MMS22L: variants seen among roughly 807,000 people sequenced by gnomAD.
MMS22L encodes the protein protein MMS22-like.
A neutral mutation model predicts 159.1 loss-of-function variants in MMS22L; 74 were observed. That is an observed-to-expected ratio of 0.47 (90% CI 0.39 to 0.56). The LOEUF (loss-of-function observed/expected upper bound fraction) is 0.56, where lower values mean the gene tolerates loss of function less well. Ranked by LOEUF, MMS22L falls within the 20% of genes least tolerant of loss-of-function variation. MMS22L has a pLI of 0.00. For missense variants in MMS22L, 1,351 were observed against 1,422.1 expected (o/e 0.95, Z 0.80); for synonymous variants, 517 against 506.9 (o/e 1.02, Z -0.27).
chr6:97,261,374 C>T (rs115486608), intron 9 of MMS22L: 2,664 of 152,802 alleles, frequency 0.017, 81 homozygotes, highest in African/African-American at 0.061. Flanking sequence ...AGACCAACCC[C>T]TCCTCTTCTT....
intron 9 of MMS22L, chr6:97,262,041 G>A (rs1350113379): frequency 6.6e-6 from 1 of 152,186 alleles, no homozygotes; most frequent in East Asian, 1.9e-4. Context: ...GTTAAAGACA[G>A]TCAGTTTTCC....
At chr6:97,267,697 CT>C (rs1815283012) in intron 8 of MMS22L, 174 bp downstream of exon 8, 1 of 422,878 alleles carries the variant, frequency 2.4e-6, no homozygotes, top group South Asian at 1.2e-4. Context: ...ATTCCAGCCT[CT>C]TTTAGATGTT....
chr6:97,254,399 A>G, intron 10 of MMS22L, 158 bp downstream of exon 10: 1 of 640,536 alleles, frequency 1.6e-6, no homozygotes, highest in Non-Finnish European at 2.6e-6. Context: ...TAAACTTTAT[A>G]ATTTTTCAAG....
intron 14 of MMS22L, among the ~76,000 whole-genome samples, 156 bp downstream of exon 14, chr6:97,228,738 A>G (rs1367334476): frequency 6.6e-6 from 1 of 152,236 alleles, no homozygotes; most frequent in East Asian, 1.9e-4. Context: ...TTCAACCTGT[A>G]CTGATTTATG....
At chr6:97,250,163 A>T (rs903438154) in intron 10 of MMS22L, among the ~76,000 whole-genome samples, 2 of 152,150 alleles carry the variant, frequency 1.3e-5, no homozygotes, top group African/African-American at 4.8e-5. Context: ...ATACCAAGTT[A>T]AATCTGCTGA....
chr6:97,238,919 CAAA>C (rs367852378), intron 11 of MMS22L, among the ~76,000 whole-genome samples: 2 of 29,150 alleles, frequency 6.9e-5, no homozygotes, highest in Non-Finnish European at 1.5e-4. Context: ...GACTCCATCT[CAAA>C]AAAAAAAAAA....
chr6:97,257,771 A>G (rs1813986692), intron 9 of MMS22L, among the ~76,000 whole-genome samples: 1 of 152,114 alleles, frequency 6.6e-6, no homozygotes, highest in Non-Finnish European at 1.5e-5. Flanking sequence ...ACATGATATC[A>G]ATCTGTCCTA....
chr6:97,181,889 A>C lies in MMS22L; in HGVS notation c.2384+15T>G. 1 of 1,607,190 alleles carries C rather than the reference A, an allele frequency of 6.2e-7. No homozygotes were observed. Among genetic ancestry groups the C allele is most frequent in the Non-Finnish European group, 8.5e-7 (1 of 1,177,198 alleles). On this transcript the variant is annotated intron_variant, in intron 16 of 24. Transcript: ENST00000683635. ...GGTTTGCATTAATGTGTATGCCTGA[A>C]ATAAAAGCACGTACCTATTTTGTAG...
chr6:97,255,137 T>C (rs1813664026), intron 9 of MMS22L, among the ~76,000 whole-genome samples: 1 of 152,142 alleles, frequency 6.6e-6, no homozygotes, highest in South Asian at 2.1e-4. Flanking sequence ...ATGCTGCGTT[T>C]CTGATGAACT....
chr6:97,256,884 CT>C (rs751869156), intron 9 of MMS22L, among the ~76,000 whole-genome samples: 8 of 152,154 alleles, frequency 5.3e-5, no homozygotes, highest in Non-Finnish European at 1.2e-4. Flanking sequence ...CAGGTTGAGG[CT>C]GCAGTGAGCT....
chr6:97,179,493 C>A lies in MMS22L; in HGVS notation c.2451G>T (p.Trp817Cys), dbSNP rs755247246. The A allele has an allele frequency of 9.3e-6, 15 of 1,613,292 alleles. No homozygotes were observed. Among genetic ancestry groups the A allele is most frequent in the Non-Finnish European group, 1.3e-5 (15 of 1,179,658 alleles). The change falls in exon 17 of 25, where the codon TGG becomes TGT. Residue 817 changes from tryptophan (W) to cysteine (C), a missense_variant. Trp to Cys is a radical substitution (Grantham distance 215, BLOSUM62 -2). Coordinates refer to ENST00000683635, the MANE Select transcript of MMS22L (RefSeq NM_001350599.2). Reference sequence around the variant, plus strand: ...TATACATTTGCAAAACACAACGAATCCATGATCTTACGGTTAAGGCTTGAA... The same window carrying A: ...TATACATTTGCAAAACACAACGAATACATGATCTTACGGTTAAGGCTTGAA... ...VSFQALTVRS[W>C]IRCVLQMYIK...
At chr6:97,183,456 C>T (rs1177469419) in intron 15 of MMS22L, among the ~76,000 whole-genome samples, 1 of 152,174 alleles carries the variant, frequency 6.6e-6, no homozygotes, top group South Asian at 2.1e-4. Context: ...TACCACTTTA[C>T]ATTTATGACT....
At chr6:97,182,656 C>T (rs1427523076) in intron 15 of MMS22L, among the ~76,000 whole-genome samples, 3 of 152,116 alleles carry the variant, frequency 2.0e-5, no homozygotes, top group African/African-American at 4.8e-5. Flanking sequence ...TTTGCCAATA[C>T]ATTATTTATT....
At chr6:97,207,702 T>C (rs1807931774) in intron 14 of MMS22L, among the ~76,000 whole-genome samples, 1 of 152,152 alleles carries the variant, frequency 6.6e-6, no homozygotes, top group Non-Finnish European at 1.5e-5. Flanking sequence ...AGACCTTCTC[T>C]TAACTGAAGA....
At chr6:97,204,602 G>C (rs1175687492) in intron 14 of MMS22L, among the ~76,000 whole-genome samples, 1 of 152,040 alleles carries the variant, frequency 6.6e-6, no homozygotes. Context: ...GACTAGCCTG[G>C]GCAATAAGTG....
chr6:97,233,877 T>G lies in MMS22L; in HGVS notation c.1286A>C (p.Tyr429Ser). Residue 429 changes from tyrosine (Y) to serine (S), a missense_variant, in exon 12 of 25, where the codon TAT (tyrosine) becomes TCT (serine). By Grantham distance (144) the Tyr-to-Ser change is moderately radical (BLOSUM62 -2). Transcript: ENST00000683635. ...TTCACTCACCAGGTTCTTACTATAA[T>G]ATTCCCATAAAATGGTAACAATTGC... ...NIAIVTILWE[Y>S]YSKNLNSSFS... The G allele has an allele frequency of 6.2e-7, 1 of 1,608,346 alleles. No individual in the cohort carries two copies.
At position 97,150,070 on chromosome 6, in the gene MMS22L, T is replaced by G. The variant is rs768210837; in HGVS notation, c.3483-50A>C. The G allele has an allele frequency of 1.0e-5, 15 of 1,502,158 alleles. No individual in the cohort carries two copies. The East Asian group carries it at 3.4e-4, about 34-fold the overall frequency. The allele number at this position is 1,502,158 out of a possible 1,614,324, so 93.1% of individuals were successfully genotyped here. ...GGATTACTCCTGGGGCAATTCCTTG[T>G]GTTGGTATCTACGTGGCAATCAACT... On this transcript the variant is annotated intron_variant, in intron 23 of 24. Transcript: ENST00000683635.
At chr6:97,181,217 C>T (rs1562426622) in intron 16 of MMS22L, among the ~76,000 whole-genome samples, 1 of 152,170 alleles carries the variant, frequency 6.6e-6, no homozygotes, top group African/African-American at 2.4e-5. Flanking sequence ...TCTCACTCTA[C>T]AAGCAGTTGT....
chr6:97,205,891 T>C (rs1410058677), intron 14 of MMS22L, among the ~76,000 whole-genome samples: 1 of 152,202 alleles, frequency 6.6e-6, no homozygotes, highest in Non-Finnish European at 1.5e-5. Context: ...ATGGAAACCG[T>C]AACTCTTCTA....
Sources: allele counts gnomAD v4.1 joint callset (sites outside exome capture counted in the v4.1 genomes callset), GRCh38; gene constraint gnomAD v4.1.1; transcripts MANE v1.5; gene names NCBI Gene and HGNC (gene_info 2026-07-23, HGNC 2026-07-21).